The following SEPTIN10 variants were observed in gnomAD, a reference collection of about 807,000 sequenced individuals.
SEPTIN10 encodes septin 10.
SEPTIN10 carries 66 observed loss-of-function variants against 54.8 expected under a neutral mutation model. The observed-to-expected ratio is 1.21, with a 90% CI of 0.99 to 1.48. The LOEUF (loss-of-function observed/expected upper bound fraction) is 1.48, where lower values mean the gene tolerates loss of function less well. Among genes scored for constraint, SEPTIN10 ranks in the 40% most tolerant of loss-of-function variants. The pLI, the probability that SEPTIN10 is intolerant of heterozygous loss-of-function variation, is 0.00. For missense variants in SEPTIN10, 620 were observed against 545.6 expected (o/e 1.14, Z -1.36); for synonymous variants, 161 against 181.0 (o/e 0.89, Z 0.89).
At chr2:109,578,894 G>A (rs1278624336) in intron 4 of SEPTIN10, among the ~76,000 whole-genome samples, 1 of 152,024 alleles carries the variant, frequency 6.6e-6, no homozygotes, top group Non-Finnish European at 1.5e-5. Flanking sequence ...AAATCAATGA[G>A]AAATTGGAAC....
intron 1 of SEPTIN10, 101 bp from the exon 2 acceptor site, chr2:109,593,220 G>A: frequency 4.2e-6 from 3 of 711,560 alleles, no homozygotes; most frequent in Admixed American, 3.3e-5. Context: ...TTATAATAAT[G>A]TTGTTATCAC....
Position 109,574,660 on chromosome 2 carries a change from A to G in SEPTIN10, c.521T>C (p.Val174Ala). 6.2e-7 allele frequency: 1 copy of G among 1,609,946 alleles called. No individual in the cohort carries two copies. The highest frequency in any genetic ancestry group is 1.7e-5 in the Admixed American group (1 of 59,370). The change falls in exon 5 of 11, where the codon GTG (valine) becomes GCG (alanine). Residue 174 changes from valine (V) to alanine (A), a missense_variant. Coordinates refer to ENST00000397712, the MANE Select transcript of SEPTIN10 (RefSeq NM_144710.5). ...TGTCGGTGAAATGAAGTAGAGACACACATGGATGCGAGAATCATGGTAGGT... is the reference window on the plus strand; with the variant it reads ...TGTCGGTGAAATGAAGTAGAGACACGCATGGATGCGAGAATCATGGTAGGT... ...LFTYHDSRIH[V>A]CLYFISPTGH...
chr2:109,548,416 TGGCTCATTGAGGTTTACA>T (rs1681891573), intron 9 of SEPTIN10, among the ~76,000 whole-genome samples: 1 of 152,138 alleles, frequency 6.6e-6, no homozygotes, highest in Non-Finnish European at 1.5e-5. Context: ...CTGGGCGTGA[TGGCTCATTGAGGTTTACA>T]GGCTCATTGG....
intron 1 of SEPTIN10, among the ~76,000 whole-genome samples, chr2:109,612,911 C>T (rs1699565893): frequency 6.6e-6 from 1 of 152,234 alleles, no homozygotes; most frequent in Non-Finnish European, 1.5e-5. Flanking sequence ...GCAATCTGAA[C>T]TGTTTCTACA....
At chr2:109,567,671 C>T in intron 6 of SEPTIN10, 144 bp downstream of exon 6, 1 of 753,106 alleles carries the variant, frequency 1.3e-6, no homozygotes, top group Non-Finnish European at 2.0e-6. Flanking sequence ...TAAACATTTT[C>T]TCATACTGGA....
chr2:109,557,608 G>A (rs1684667431), intron 8 of SEPTIN10, among the ~76,000 whole-genome samples: 1 of 152,138 alleles, frequency 6.6e-6, no homozygotes, highest in Non-Finnish European at 1.5e-5. Context: ...GCATCTCATC[G>A]TGCTGCTTTC....
At chr2:109,581,587 C>A (rs558218309) in intron 4 of SEPTIN10, among the ~76,000 whole-genome samples, 40 of 150,628 alleles carry the variant, frequency 2.7e-4, no homozygotes, top group African/African-American at 9.7e-4. Context: ...TGGGACTGAA[C>A]ACACGGGAAT....
intron 2 of SEPTIN10, among the ~76,000 whole-genome samples, chr2:109,587,685 G>A (rs566272918): frequency 1.2e-4 from 18 of 152,164 alleles, no homozygotes; most frequent in African/African-American, 3.1e-4. Flanking sequence ...AGGCCGAGGC[G>A]GGTGGATAAC....
At chr2:109,571,376 C>A (rs1191769288) in intron 5 of SEPTIN10, among the ~76,000 whole-genome samples, 1 of 152,102 alleles carries the variant, frequency 6.6e-6, no homozygotes, top group African/African-American at 2.4e-5. Context: ...TCACACAAAC[C>A]TGGATGTTAT....
intron 9 of SEPTIN10, among the ~76,000 whole-genome samples, chr2:109,551,810 T>C (rs1251122469): frequency 1.3e-5 from 2 of 152,250 alleles, no homozygotes; most frequent in African/African-American, 4.8e-5. Flanking sequence ...CAAGAAATCA[T>C]GTATTTTCAA....
At chr2:109,548,868 ACT>A (rs1670639856) in intron 9 of SEPTIN10, among the ~76,000 whole-genome samples, 1 of 151,802 alleles carries the variant, frequency 6.6e-6, no homozygotes, top group African/African-American at 2.4e-5. Flanking sequence ...AGAGAGCTAA[ACT>A]CTGGTCTAAT....
At chr2:109,591,049 TG>T (rs1329387930) in intron 2 of SEPTIN10, among the ~76,000 whole-genome samples, 1 of 152,214 alleles carries the variant, frequency 6.6e-6, no homozygotes, top group African/African-American at 2.4e-5. Flanking sequence ...GCTAAATTTG[TG>T]ACGATTTGTT....
chr2:109,600,539 A>G (rs1161851214), intron 1 of SEPTIN10, among the ~76,000 whole-genome samples: 15 of 134,592 alleles, frequency 1.1e-4, no homozygotes, highest in South Asian at 5.2e-4. Flanking sequence ...CAATGAGTTG[A>G]AAAAAAAAAA....
At chr2:109,564,557 A>C (rs1243082685) in intron 7 of SEPTIN10, 23 bp from the exon 8 acceptor site, 1 of 1,466,182 alleles carries the variant, frequency 6.8e-7, no homozygotes, top group Non-Finnish European at 9.1e-7. Flanking sequence ...AAATAAGAAA[A>C]GAACAACACT....
chr2:109,587,970 T>C (rs535603312), intron 2 of SEPTIN10, among the ~76,000 whole-genome samples: 4 of 150,822 alleles, frequency 2.7e-5, no homozygotes, highest in African/African-American at 9.7e-5. Flanking sequence ...GTGGCACCTA[T>C]AATCCCAGCT....
intron 8 of SEPTIN10, 140 bp downstream of exon 8, chr2:109,564,226 T>TA (rs71383852): frequency 0.087 from 62,766 of 719,432 alleles, 2,912 homozygotes; most frequent in African/African-American, 0.1. Context: ...AGAAGCACAA[T>TA]AATTAGTCAT....
intron 8 of SEPTIN10, among the ~76,000 whole-genome samples, chr2:109,563,615 T>C (rs1686209835): frequency 1.3e-5 from 2 of 152,194 alleles, no homozygotes; most frequent in Non-Finnish European, 2.9e-5. Flanking sequence ...CCAAGGAAGT[T>C]TCTACAACTT....
At chr2:109,602,547 T>C (rs917319297) in intron 1 of SEPTIN10, among the ~76,000 whole-genome samples, 11 of 151,912 alleles carry the variant, frequency 7.2e-5, no homozygotes, top group Admixed American at 6.6e-4. Flanking sequence ...TGGTGGCGCA[T>C]GCCTATAATC....
At chr2:109,574,198 A>G (rs4953784) in intron 5 of SEPTIN10, among the ~76,000 whole-genome samples, 80,442 of 151,648 alleles carry the variant, frequency 0.53, 22,711 homozygotes, top group African/African-American at 0.73. Context: ...TAGCACTTCA[A>G]GAGACCAAGG....
Sources: allele counts gnomAD v4.1 joint callset (sites outside exome capture counted in the v4.1 genomes callset), GRCh38; gene constraint gnomAD v4.1.1; transcripts MANE v1.5; gene names NCBI Gene and HGNC (gene_info 2026-07-23, HGNC 2026-07-21).